UMAD1: variants seen among roughly 807,000 people sequenced by gnomAD.
UMAD1 encodes the protein UBAP1-MVB12-associated (UMA) domain containing 1, also known as UBAP1-MVB12-associated (UMA)-domain containing protein 1.
In UMAD1, 8 loss-of-function variants were observed where a neutral mutation model predicts 6.1. The ratio of observed to expected loss-of-function variants is 1.30; its 90% CI spans 0.76 to 2.35. The LOEUF (loss-of-function observed/expected upper bound fraction) is 2.35, where lower values mean the gene tolerates loss of function less well. Ranked by LOEUF, UMAD1 falls within the 30% of genes most tolerant of loss-of-function variation. The probability of loss-of-function intolerance (pLI) is 0.00; values close to 1 mark genes in which losing one functional copy is unlikely to be tolerated. For missense variants in UMAD1, 130 were observed against 78.4 expected (o/e 1.66, Z -2.49); for synonymous variants, 56 against 31.4 (o/e 1.78, Z -2.61).
intron 2 of UMAD1, among the ~76,000 whole-genome samples, chr7:7,765,103 T>C (rs2115235955): frequency 6.6e-6 from 1 of 152,170 alleles, no homozygotes; most frequent in Non-Finnish European, 1.5e-5. Context: ...AGTCTTCCCT[T>C]CCCAAATCTG....
intron 2 of UMAD1, among the ~76,000 whole-genome samples, chr7:7,770,155 A>T (rs997159813): frequency 1.3e-5 from 2 of 152,090 alleles, no homozygotes; most frequent in Non-Finnish European, 2.9e-5. Context: ...CTCCCTTCTC[A>T]TATTTCTAAG....
At chr7:7,659,659 G>A (rs767859585) in intron 1 of UMAD1, among the ~76,000 whole-genome samples, 1 of 152,180 alleles carries the variant, frequency 6.6e-6, no homozygotes, top group Admixed American at 6.5e-5. Context: ...ATTGCACTGT[G>A]GTCTGAGAGA....
chr7:7,755,900 C>A (rs13234855), intron 2 of UMAD1, among the ~76,000 whole-genome samples: 57,589 of 152,022 alleles, frequency 0.38, 11,538 homozygotes, highest in Non-Finnish European at 0.46. Context: ...TCAAGGGATT[C>A]TTATACAAGA....
chr7:7,728,308 C>G lies in UMAD1; in HGVS notation c.82+54855C>G, dbSNP rs113667281. On this transcript the variant is annotated intron_variant, in intron 2 of 3. Transcript: ENST00000682710. ...GCGGCCAGCAGGCAAGTGATTTAATCTCTTTGAGTGTTCAGTTTTCTCATT... is the reference window on the plus strand; with the variant it reads ...GCGGCCAGCAGGCAAGTGATTTAATGTCTTTGAGTGTTCAGTTTTCTCATT... 6.7e-4 allele frequency among the ~76,000 whole-genome samples: 102 copies of G among 152,308 alleles called. 1 individual carries two copies. Among genetic ancestry groups the G allele is most frequent in the African/African-American group, 2.3e-3 (97 of 41,556 alleles).
intron 2 of UMAD1, among the ~76,000 whole-genome samples, chr7:7,756,410 G>A (rs1392991391): frequency 6.6e-6 from 1 of 152,144 alleles, no homozygotes; most frequent in Non-Finnish European, 1.5e-5. Flanking sequence ...ATGAAAAAGG[G>A]CATCTGTTGA....
chr7:7,846,642 A>G (rs1353870053), intron 3 of UMAD1, among the ~76,000 whole-genome samples: 2 of 152,100 alleles, frequency 1.3e-5, no homozygotes, highest in Non-Finnish European at 2.9e-5. Flanking sequence ...TACTGCTATT[A>G]TAACATTGAA....
chr7:7,800,565 A>G (rs943402233), intron 2 of UMAD1, among the ~76,000 whole-genome samples: 6 of 152,138 alleles, frequency 3.9e-5, no homozygotes, highest in Non-Finnish European at 7.4e-5. Flanking sequence ...CTATACCCAA[A>G]GTATAGTCTT....
intron 2 of UMAD1, among the ~76,000 whole-genome samples, chr7:7,743,081 T>A (rs1781505611): frequency 6.6e-6 from 1 of 152,220 alleles, no homozygotes; most frequent in Non-Finnish European, 1.5e-5. Context: ...TAAATGTTAC[T>A]TTTAGTTTAT....
At chr7:7,847,099 A>AT (rs1783808587) in intron 3 of UMAD1, among the ~76,000 whole-genome samples, 4 of 44,552 alleles carry the variant, frequency 9.0e-5, no homozygotes, top group African/African-American at 6.4e-4. Flanking sequence ...AAAAAAAAAA[A>AT]AAAAAATATA....
intron 2 of UMAD1, among the ~76,000 whole-genome samples, chr7:7,682,112 A>C (rs532124799): frequency 2.0e-5 from 3 of 152,186 alleles, no homozygotes; most frequent in Non-Finnish European, 4.4e-5. Context: ...GGGTTACAGT[A>C]CAAGGGAAAT....
intron 1 of UMAD1, among the ~76,000 whole-genome samples, chr7:7,653,946 G>A (rs141730575): frequency 1.5e-4 from 23 of 152,272 alleles, no homozygotes; most frequent in African/African-American, 5.5e-4. Context: ...TGCTTAGAGT[G>A]GAGAGATTGA....
Position 7,878,869 on chromosome 7 carries a change from A to G in UMAD1, c.*1331A>G, listed in dbSNP as rs1404900003. ...CAAAAATATGCTTCATTTACATATAATGTTACCATATGGTGTTAATGATTA... is the reference window on the plus strand; with the variant it reads ...CAAAAATATGCTTCATTTACATATAGTGTTACCATATGGTGTTAATGATTA... On this transcript the variant is annotated 3_prime_UTR_variant, in exon 4 of 4. Coordinates refer to ENST00000682710, the MANE Select transcript of UMAD1 (RefSeq NM_001302348.2). 6.6e-6 allele frequency: 1 copy of G among 152,208 alleles called. No individual in the cohort carries two copies. The highest frequency in any genetic ancestry group is 2.4e-5 in the African/African-American group (1 of 41,448). 9.4% of individuals were successfully genotyped at this position (152,208 alleles called of 1,614,324 possible). A position where few individuals can be genotyped will look rare whatever the true frequency, so the allele number is the denominator to read the frequency against.
chr7:7,831,242 G>C (rs748008178), intron 3 of UMAD1, among the ~76,000 whole-genome samples: 17 of 152,146 alleles, frequency 1.1e-4, no homozygotes, highest in Non-Finnish European at 2.1e-4. Context: ...TATCTTAAAA[G>C]TTGCTGTCGC....
At chr7:7,853,081 A>G (rs1783948127) in intron 3 of UMAD1, among the ~76,000 whole-genome samples, 1 of 152,214 alleles carries the variant, frequency 6.6e-6, no homozygotes, top group Non-Finnish European at 1.5e-5. Flanking sequence ...CCCCGACATT[A>G]TATAACAAAT....
intron 2 of UMAD1, among the ~76,000 whole-genome samples, chr7:7,714,785 T>C (rs554075401): frequency 2.0e-5 from 3 of 152,128 alleles, no homozygotes; most frequent in African/African-American, 7.2e-5. Flanking sequence ...AGTCAGGATT[T>C]AGGGTGTTGG....
chr7:7,650,894 A>G (rs1785210174), intron 1 of UMAD1, among the ~76,000 whole-genome samples: 3 of 152,120 alleles, frequency 2.0e-5, no homozygotes, highest in Admixed American at 1.3e-4. Context: ...TCCCTCCCCA[A>G]CACTTTATTA....
intron 3 of UMAD1, among the ~76,000 whole-genome samples, chr7:7,829,320 A>G (rs999183335): frequency 1.2e-4 from 18 of 152,216 alleles, no homozygotes; most frequent in African/African-American, 4.3e-4. Context: ...ATAACTCTCT[A>G]CAAGTTTGGG....
intron 3 of UMAD1, among the ~76,000 whole-genome samples, chr7:7,855,514 G>A (rs1438465595): frequency 6.6e-6 from 1 of 152,176 alleles, no homozygotes; most frequent in Non-Finnish European, 1.5e-5. Context: ...TTGTACCTTG[G>A]CCCCTTTTAG....
rs1240912778 is a variant in UMAD1 at position 7,879,150 on chromosome 7, G to A, written c.*1612G>A. On this transcript the variant is annotated 3_prime_UTR_variant, in exon 4 of 4. Coordinates refer to ENST00000682710, the MANE Select transcript of UMAD1 (RefSeq NM_001302348.2). ...TAAATGTTCATAAGTACCTTCATGT[G>A]TCTATAAAAAATGTTATATTTAAAT... 1 of 151,952 alleles carries A rather than the reference G, an allele frequency of 6.6e-6. No homozygotes were observed. The highest frequency in any genetic ancestry group is 1.9e-4 in the East Asian group (1 of 5,190). The allele number at this position is 151,952 out of a possible 1,614,324, so 9.4% of individuals were successfully genotyped here.
Sources: gnomAD v4.1 joint callset for allele counts (sites outside exome capture counted in the v4.1 genomes callset) on GRCh38, gnomAD v4.1.1 for gene constraint, MANE v1.5 for transcripts, NCBI Gene and HGNC (gene_info 2026-07-23, HGNC 2026-07-21) for gene names.